The following METTL16 variants were observed in gnomAD, a reference collection of about 807,000 sequenced individuals.
METTL16 encodes the protein RNA N(6)-adenosine-methyltransferase METTL16.
METTL16 carries 19 observed loss-of-function variants against 57.9 expected under a neutral mutation model. The ratio of observed to expected loss-of-function variants is 0.33; its 90% CI spans 0.23 to 0.48. The LOEUF is 0.48. Among genes scored for constraint, METTL16 ranks in the 20% least tolerant of loss-of-function variants. The pLI is 0.99. For synonymous variants in METTL16, 246 were observed against 255.6 expected, an observed-to-expected ratio of 0.96 and a Z score of 0.36; for missense variants, 434 against 691.5, an observed-to-expected ratio of 0.63 and a Z score of 4.18.
intron 2 of METTL16, among the ~76,000 whole-genome samples, chr17:2,488,801 A>G (rs923143528): frequency 6.6e-6 from 1 of 152,230 alleles, no homozygotes; most frequent in Non-Finnish European, 1.5e-5. Context: ...CTGGATTAAG[A>G]TGGGACATTC....
intron 6 of METTL16, among the ~76,000 whole-genome samples, chr17:2,448,824 A>AT (rs2067046067): frequency 7.1e-6 from 1 of 141,062 alleles, no homozygotes; most frequent in African/African-American, 2.5e-5. Context: ...AAAAAAAAAA[A>AT]AAGAGCATCC....
chr17:2,493,181 C>T (rs1395005056), intron 2 of METTL16, among the ~76,000 whole-genome samples: 2 of 149,912 alleles, frequency 1.3e-5, no homozygotes, highest in African/African-American at 2.4e-5. Flanking sequence ...CTCCGCCTCC[C>T]GGGTTCATGC....
chr17:2,507,483 G>A (rs1444735719), intron 1 of METTL16, among the ~76,000 whole-genome samples: 5 of 126,722 alleles, frequency 3.9e-5, no homozygotes, highest in South Asian at 5.3e-4. Context: ...CCGGACAGCC[G>A]CCCTGTCCGG....
intron 2 of METTL16, among the ~76,000 whole-genome samples, chr17:2,492,842 G>A (rs1453684802): frequency 7.1e-6 from 1 of 140,344 alleles, no homozygotes; most frequent in Non-Finnish European, 1.5e-5. Context: ...AGGTTGCAGT[G>A]AGCCAAGAAC....
intron 6 of METTL16, among the ~76,000 whole-genome samples, chr17:2,456,964 T>C (rs1197405188): frequency 4.0e-5 from 6 of 151,326 alleles, no homozygotes; most frequent in Non-Finnish European, 8.8e-5. Flanking sequence ...TTTTTTTAAA[T>C]GCCAAAGCAG....
intron 8 of METTL16, among the ~76,000 whole-genome samples, chr17:2,429,757 C>T (rs560288795): frequency 5.3e-5 from 8 of 151,936 alleles, no homozygotes; most frequent in African/African-American, 1.9e-4. Context: ...CTTGCTCCCC[C>T]TCCCCAATCA....
chr17:2,473,618 A>G lies in METTL16; in HGVS notation c.375T>C (p.Asn125=). 1 of 1,614,164 alleles carries G rather than the reference A, an allele frequency of 6.2e-7. No homozygotes were observed. The highest frequency in any genetic ancestry group is 1.1e-5 in the South Asian group (1 of 91,062). ...CTTCTGTTGCGAGGAAATACCAGCCATTCAAGGTTGCTCCAAGTAAGGGGT... is the reference window on the plus strand; with the variant it reads ...CTTCTGTTGCGAGGAAATACCAGCCGTTCAAGGTTGCTCCAAGTAAGGGGT... ...CIYPLLGATL[N]GWYFLATEVD... is the part of the protein sequence containing the mutation. Residue 125 remains asparagine (N), a synonymous_variant, in exon 4 of 10, where the codon AAT becomes AAC. Coordinates refer to ENST00000263092, the MANE Select transcript of METTL16 (RefSeq NM_024086.4).
At chr17:2,500,718 TAGAG>T (rs2067481424) in intron 2 of METTL16, among the ~76,000 whole-genome samples, 1 of 152,230 alleles carries the variant, frequency 6.6e-6, no homozygotes, top group Non-Finnish European at 1.5e-5. Context: ...GGAATGCAGT[TAGAG>T]ATAGTTCTTT....
chr17:2,448,715 G>A (rs1273639909), intron 6 of METTL16, among the ~76,000 whole-genome samples: 1 of 107,610 alleles, frequency 9.3e-6, no homozygotes, highest in Non-Finnish European at 1.8e-5. Context: ...ATCCCCCTCT[G>A]CGAGAAACAC....
rs1474529676 is a variant in METTL16, at chr17:2,416,739, T to A, written c.*3231A>T. 2.6e-5 allele frequency: 4 copies of A among 152,320 alleles called. No individual in the cohort carries two copies. The highest frequency in any genetic ancestry group is 5.9e-5 in the Non-Finnish European group (4 of 68,034). 9.4% of individuals were successfully genotyped at this position (152,320 alleles called of 1,614,324 possible). On this transcript the variant is annotated 3_prime_UTR_variant, in exon 10 of 10. Transcript: ENST00000263092. ...AATGTAGGGTCACATCACCAAGATT[T>A]AATTTCATACCAACCCCGCAACATG...
intron 8 of METTL16, among the ~76,000 whole-genome samples, chr17:2,436,464 A>G (rs1045817731): frequency 6.6e-6 from 1 of 152,178 alleles, no homozygotes; most frequent in Non-Finnish European, 1.5e-5. Context: ...AGTATCTGCA[A>G]ATTGTTCCCT....
At chr17:2,507,245 G>A (rs1207162670) in intron 1 of METTL16, among the ~76,000 whole-genome samples, 2 of 148,602 alleles carry the variant, frequency 1.3e-5, no homozygotes, top group East Asian at 4.0e-4. Context: ...ACCGGGAGGT[G>A]AGGGGCGCCT....
chr17:2,465,802 G>A (rs1015527710), intron 5 of METTL16, among the ~76,000 whole-genome samples: 3 of 151,890 alleles, frequency 2.0e-5, no homozygotes, highest in Admixed American at 2.0e-4. Flanking sequence ...GGAGGTGGAG[G>A]TTGCGGTGAG....
intron 2 of METTL16, among the ~76,000 whole-genome samples, chr17:2,499,932 T>C (rs927928568): frequency 6.6e-5 from 10 of 152,092 alleles, no homozygotes; most frequent in Non-Finnish European, 1.3e-4. Context: ...TTTTGTATTT[T>C]TAATAGAGAC....
intron 8 of METTL16, among the ~76,000 whole-genome samples, chr17:2,427,952 C>CA (rs36089320): frequency 0.6 from 76,194 of 127,200 alleles, 23,506 homozygotes; most frequent in East Asian, 0.86. Flanking sequence ...CATCTTTACC[C>CA]AAAAAAAAAA....
intron 5 of METTL16, among the ~76,000 whole-genome samples, chr17:2,466,013 C>T (rs1175407440): frequency 1.1e-4 from 16 of 151,604 alleles, no homozygotes; most frequent in Admixed American, 6.6e-4. Flanking sequence ...GCCAACATGG[C>T]GAAACCCCGT....
chr17:2,498,002 GGC>G (rs1727339293), intron 2 of METTL16, among the ~76,000 whole-genome samples: 1 of 151,578 alleles, frequency 6.6e-6, no homozygotes, highest in Admixed American at 6.6e-5. Context: ...AGACCATCGT[GGC>G]TAACACGGTG....
At position 2,500,817 on chromosome 17, in the gene METTL16, C is replaced by A. The variant is rs553052082; in HGVS notation, c.128+1387G>T. ...CCTGAAACACTTATACTATTATTTT[C>A]TTAATTTAAAAAAATCAAGGCCGGG... On this transcript the variant is annotated intron_variant, in intron 2 of 9. Transcript: ENST00000263092. 2.0e-5 allele frequency among the ~76,000 whole-genome samples: 3 copies of A among 152,166 alleles called. No individual in the cohort carries two copies. In the South Asian group the frequency reaches 6.2e-4, roughly 32 times the overall value.
rs540171202 is a variant in METTL16 at position 2,502,904 on chromosome 17, C to T, written c.1-573G>A. Among the ~76,000 whole-genome samples the T allele has an allele frequency of 4.6e-5, 7 of 151,838 alleles. No homozygotes were observed. The South Asian group carries it at 1.2e-3, about 27-fold the overall frequency. ...TCATACCCACTAGGATGGCTGCTGT[C>T]AACAAAAAAACAAAAATAAAAAATT... is the stretch of plus-strand genomic sequence containing the variant. On this transcript the variant is annotated intron_variant, in intron 1 of 9. Transcript: ENST00000263092.
Sources: allele counts gnomAD v4.1 joint callset (sites outside exome capture counted in the v4.1 genomes callset), GRCh38; gene constraint gnomAD v4.1.1; transcripts MANE v1.5; gene names NCBI Gene and HGNC (gene_info 2026-07-23, HGNC 2026-07-21).